Variants in WDR27 observed in about 807,000 individuals in gnomAD.
WDR27 encodes WD repeat domain 27, also known as WD repeat-containing protein 27.
WDR27 carries 100 observed loss-of-function variants against 114.4 expected under a neutral mutation model. The ratio of observed to expected loss-of-function variants is 0.87; its 90% CI spans 0.74 to 1.03. The LOEUF (loss-of-function observed/expected upper bound fraction) is 1.03, where lower values mean the gene tolerates loss of function less well. WDR27 is among the 50% of genes least tolerant of loss of function. The pLI, the probability that WDR27 is intolerant of heterozygous loss-of-function variation, is 0.00. For missense variants in WDR27, 1,129 were observed against 1,092.9 expected (o/e 1.03, Z -0.47); for synonymous variants, 449 against 423.1 (o/e 1.06, Z -0.75).
chr6:169,695,782 T>A (rs2128312122), intron 1 of WDR27, among the ~76,000 whole-genome samples: 1 of 152,286 alleles, frequency 6.6e-6, no homozygotes, highest in Middle Eastern at 3.4e-3. Context: ...AGAGAGATTA[T>A]CCTGGATTCT....
intron 25 of WDR27, among the ~76,000 whole-genome samples, chr6:169,551,363 A>G (rs1052311864): frequency 1.3e-5 from 2 of 152,078 alleles, no homozygotes; most frequent in African/African-American, 4.8e-5. Context: ...CACAGAACTT[A>G]CCACTATCTC....
Position 169,587,191 on chromosome 6 carries a change from T to C in WDR27, c.2425-4257A>G, listed in dbSNP as rs575745482. Among the ~76,000 whole-genome samples, 8 of 151,246 alleles carry C rather than the reference T, an allele frequency of 5.3e-5. No homozygotes were observed. The South Asian group carries it at 1.7e-3, about 32-fold the overall frequency. On this transcript the variant is annotated intron_variant, in intron 23 of 25. Coordinates refer to ENST00000448612, the MANE Select transcript of WDR27 (RefSeq NM_182552.5). ...TGCACTAAAAACCTGTTCAGGAAGA[T>C]ATCCTTTCTCCTCAAGGATTTTCTT...
intron 19 of WDR27, among the ~76,000 whole-genome samples, chr6:169,634,915 G>A (rs1817302109): frequency 6.6e-6 from 1 of 152,134 alleles, no homozygotes; most frequent in Non-Finnish European, 1.5e-5. Context: ...CAACTGAAGT[G>A]CCTGCAAAGT....
chr6:169,618,035 G>A (rs1304754959), intron 21 of WDR27, among the ~76,000 whole-genome samples: 1 of 152,166 alleles, frequency 6.6e-6, no homozygotes, highest in Non-Finnish European at 1.5e-5. Flanking sequence ...GGGTACTAGG[G>A]AAAGACCCAT....
intron 25 of WDR27, among the ~76,000 whole-genome samples, chr6:169,460,925 C>T (rs1197234623): frequency 2.6e-5 from 4 of 151,518 alleles, no homozygotes; most frequent in African/African-American, 9.7e-5. Flanking sequence ...CATAAGCTGT[C>T]GTATGCATTC....
intron 25 of WDR27, among the ~76,000 whole-genome samples, chr6:169,533,583 G>A (rs1795864818): frequency 6.6e-6 from 1 of 152,084 alleles, no homozygotes; most frequent in Admixed American, 6.5e-5. Context: ...AACAGAAAAG[G>A]CAGAGAGGCA....
chr6:169,670,649 C>A lies in WDR27; in HGVS notation c.376G>T (p.Val126Leu). 3 of 1,613,982 alleles carry A rather than the reference C, an allele frequency of 1.9e-6. No individual in the cohort carries two copies. Among genetic ancestry groups the A allele is most frequent in the Non-Finnish European group, 2.5e-6 (3 of 1,179,890 alleles). ...TCCAGGCTCAACTGTAAACACAGCA[C>A]CTTTCCCAAAAGCGAGCCCATGACA... The part of the protein sequence containing the change: ...GTVMGSLLGK[V>L]LCLQLSLDDH... Residue 126 changes from valine to leucine, a missense_variant, in exon 4 of 26, where the codon GTG becomes TTG. By Grantham distance (32) the Val-to-Leu change is conservative. Coordinates refer to ENST00000448612, the MANE Select transcript of WDR27 (RefSeq NM_182552.5).
chr6:169,652,070 T>C, intron 13 of WDR27, 62 bp from the exon 14 acceptor site: 1 of 1,453,082 alleles, frequency 6.9e-7, no homozygotes, highest in Middle Eastern at 1.7e-4. Context: ...ATGATGGACA[T>C]GAGAAGAACA....
rs148201769 is a variant in WDR27 at position 169,543,974 on chromosome 6, C to T, written c.2645+28445G>A. Among the ~76,000 whole-genome samples the T allele has an allele frequency of 4.3e-3, 661 of 152,284 alleles. 4 individuals are homozygous for T. The highest frequency in any genetic ancestry group is 6.4e-3 in the Non-Finnish European group (436 of 68,020). The stretch of plus-strand genomic sequence containing the variant: ...ATTACATTATACAATATCAAAACAT[C>T]ACAGTTGACCACATCAACAAGCTAA... On this transcript the variant is annotated intron_variant, in intron 25 of 25. Coordinates refer to ENST00000448612, the MANE Select transcript of WDR27 (RefSeq NM_182552.5).
At chr6:169,556,524 A>C (rs1411822411) in intron 25 of WDR27, among the ~76,000 whole-genome samples, 1 of 152,220 alleles carries the variant, frequency 6.6e-6, no homozygotes, top group Non-Finnish European at 1.5e-5. Flanking sequence ...AACATCCTAG[A>C]AGGAAACACA....
intron 25 of WDR27, among the ~76,000 whole-genome samples, chr6:169,536,470 T>A (rs1400647066): frequency 6.6e-6 from 1 of 152,202 alleles, no homozygotes; most frequent in African/African-American, 2.4e-5. Context: ...TTTCTAGATG[T>A]CTGAATCTCC....
Position 169,632,962 on chromosome 6 carries a change from T to G in WDR27, c.2208A>C (p.Gln736His), listed in dbSNP as rs1816774352. Residue 736 changes from glutamine (Q) to histidine (H), a missense_variant, in exon 21 of 26, where the codon CAA becomes CAC. Gln to His is a conservative substitution (Grantham distance 24). Coordinates refer to ENST00000448612, the MANE Select transcript of WDR27 (RefSeq NM_182552.5). Reference sequence around the variant, plus strand: ...ACTTACTCACTTTATTTTGGCAGATTTGATGGACAGGCCGTGAGTGGGCTT... The same window carrying G: ...ACTTACTCACTTTATTTTGGCAGATGTGATGGACAGGCCGTGAGTGGGCTT... ...IAEAHSRPVH[Q>H]ICQNKGSSFT... 1.3e-6 allele frequency: 2 copies of G among 1,586,386 alleles called. No homozygotes were observed. Among genetic ancestry groups the G allele is most frequent in the Admixed American group, 1.7e-5 (1 of 59,592 alleles).
intron 18 of WDR27, among the ~76,000 whole-genome samples, chr6:169,637,759 G>A (rs531952833): frequency 8.6e-5 from 13 of 151,392 alleles, no homozygotes; most frequent in South Asian, 2.1e-4. Flanking sequence ...ATAAGTGTGC[G>A]TATGTGTATG....
chr6:169,663,237 C>T (rs1305748689), intron 8 of WDR27, among the ~76,000 whole-genome samples: 1 of 150,102 alleles, frequency 6.7e-6, no homozygotes, highest in Middle Eastern at 3.2e-3. Context: ...TTTCCTTCAG[C>T]AGTAGATATT....
At chr6:169,654,293 A>G (rs1823412126) in intron 13 of WDR27, among the ~76,000 whole-genome samples, 1 of 152,232 alleles carries the variant, frequency 6.6e-6, no homozygotes, top group Admixed American at 6.5e-5. Context: ...AGAAACAGAG[A>G]AAGCTCTCCC....
At chr6:169,543,278 A>G (rs1451534903) in intron 25 of WDR27, among the ~76,000 whole-genome samples, 1 of 152,152 alleles carries the variant, frequency 6.6e-6, no homozygotes, top group Non-Finnish European at 1.5e-5. Context: ...CACTCAGCAC[A>G]TAGGCAAAGT....
At chr6:169,565,376 C>T (rs1275049568) in intron 25 of WDR27, among the ~76,000 whole-genome samples, 1 of 152,148 alleles carries the variant, frequency 6.6e-6, no homozygotes, top group Non-Finnish European at 1.5e-5. Flanking sequence ...CTAAGGAAAT[C>T]CAGACTGTAT....
chr6:169,638,685 T>C (rs778847588), intron 17 of WDR27, 25 bp from the exon 18 acceptor site: 1 of 1,575,414 alleles, frequency 6.3e-7, no homozygotes, highest in South Asian at 1.2e-5. Context: ...CACAGAAGGT[T>C]ACTATTTCTA....
chr6:169,656,047 T>A (rs1193675184), intron 13 of WDR27, among the ~76,000 whole-genome samples: 1 of 150,992 alleles, frequency 6.6e-6, no homozygotes, highest in Non-Finnish European at 1.5e-5. Flanking sequence ...GTGACAGCTC[T>A]CAGCAGAGAG....
Sources: allele counts gnomAD v4.1 joint callset (sites outside exome capture counted in the v4.1 genomes callset), GRCh38; gene constraint gnomAD v4.1.1; transcripts MANE v1.5; gene names NCBI Gene and HGNC (gene_info 2026-07-23, HGNC 2026-07-21).